The following TANC2 variants were observed in gnomAD, a reference collection of about 807,000 sequenced individuals.
TANC2 encodes protein TANC2.
TANC2 carries 26 observed loss-of-function variants against 210.5 expected under a neutral mutation model. That is an observed-to-expected ratio of 0.12 (90% confidence interval 0.09 to 0.17). The LOEUF (loss-of-function observed/expected upper bound fraction) is 0.17. Among genes scored for constraint, TANC2 ranks in the 10% least tolerant of loss-of-function variants. The pLI, the probability that TANC2 is intolerant of heterozygous loss-of-function variation, is 1.00. For missense variants in TANC2, 2,129 were observed against 2,608.9 expected, an observed-to-expected ratio of 0.82 and a Z score of 4.01; for synonymous variants, 931 against 967.1, an observed-to-expected ratio of 0.96 and a Z score of 0.69.
In TANC2 at chr17:63,227,868, T is replaced by C. The variant is rs968040865; in HGVS notation, c.770-9946T>C. On this transcript the variant is annotated intron_variant, in intron 7 of 27. Transcript: ENST00000689528. The stretch of plus-strand genomic sequence containing the variant: ...ACCATTTATTTATTTATTTTTCATT[T>C]ATTTATTTTTTTTGAGACAGAGTTT... Among the ~76,000 whole-genome samples the C allele has an allele frequency of 7.2e-5, 11 of 152,118 alleles. 1 individual carries two copies. The East Asian group carries it at 9.6e-4, about 13-fold the overall frequency.
intron 9 of TANC2, among the ~76,000 whole-genome samples, chr17:63,274,974 C>CT (rs1323496319): frequency 2.6e-5 from 4 of 151,986 alleles, no homozygotes; most frequent in Non-Finnish European, 4.4e-5. Context: ...AGTTTGCTGC[C>CT]TATTACAAGG....
chr17:63,123,523 C>T (rs1481359878), intron 4 of TANC2, among the ~76,000 whole-genome samples: 3 of 148,900 alleles, frequency 2.0e-5, no homozygotes, highest in South Asian at 2.1e-4. Flanking sequence ...TGCGCCACTG[C>T]ACTCCAGCCT....
chr17:62,996,461 A>G (rs532393620), intron 1 of TANC2, among the ~76,000 whole-genome samples: 1 of 151,252 alleles, frequency 6.6e-6, no homozygotes, highest in Admixed American at 6.6e-5. Context: ...TGTACCTCAC[A>G]GTCGATTTCT....
intron 4 of TANC2, among the ~76,000 whole-genome samples, chr17:63,134,417 CAT>C (rs1373370288): frequency 6.6e-6 from 1 of 152,026 alleles, no homozygotes; most frequent in Non-Finnish European, 1.5e-5. Context: ...AGGTGAGTGG[CAT>C]ATTATTATAA....
chr17:63,050,516 A>G (rs2035546290), intron 2 of TANC2, among the ~76,000 whole-genome samples: 1 of 152,212 alleles, frequency 6.6e-6, no homozygotes, highest in African/African-American at 2.4e-5. Context: ...CCAATGGAAT[A>G]TATATGGCAA....
At chr17:63,249,541 A>C (rs951994464) in intron 8 of TANC2, among the ~76,000 whole-genome samples, 1 of 152,198 alleles carries the variant, frequency 6.6e-6, no homozygotes, top group African/African-American at 2.4e-5. Context: ...TCAAGGAAAC[A>C]TACAAACAAC....
At chr17:63,329,233 T>A in intron 11 of TANC2, among the ~76,000 whole-genome samples, 1 of 152,066 alleles carries the variant, frequency 6.6e-6, no homozygotes, top group East Asian at 1.9e-4. Flanking sequence ...TTATAGCATA[T>A]ACTACAGATA....
intron 17 of TANC2, chr17:63,390,965 CCTGTAT>C (rs2047950892): frequency 6.6e-6 from 1 of 152,158 alleles, no homozygotes; most frequent in African/African-American, 2.4e-5. Flanking sequence ...TCTCAAGGTG[CCTGTAT>C]CTCAAAACTC....
chr17:63,106,346 C>G (rs2037822235), intron 4 of TANC2, among the ~76,000 whole-genome samples: 1 of 151,538 alleles, frequency 6.6e-6, no homozygotes, highest in African/African-American at 2.4e-5. Flanking sequence ...GGGCTCAATT[C>G]TGAATATAGT....
chr17:63,256,736 A>G (rs1047551863), intron 8 of TANC2, among the ~76,000 whole-genome samples: 1 of 152,186 alleles, frequency 6.6e-6, no homozygotes, highest in African/African-American at 2.4e-5. Context: ...CTATCTCTTT[A>G]GCTCTAATAA....
At chr17:63,106,691 C>T (rs2037836749) in intron 4 of TANC2, among the ~76,000 whole-genome samples, 1 of 151,638 alleles carries the variant, frequency 6.6e-6, no homozygotes, top group Non-Finnish European at 1.5e-5. Flanking sequence ...ACCTAAAAGG[C>T]GGCATGAATT....
At chr17:63,347,511 A>G (rs1321650724) in intron 12 of TANC2, among the ~76,000 whole-genome samples, 1 of 152,216 alleles carries the variant, frequency 6.6e-6, no homozygotes. Flanking sequence ...TTTAATATAG[A>G]ATTATTTTTT....
chr17:63,275,011 A>G (rs1371892577), intron 9 of TANC2, among the ~76,000 whole-genome samples: 1 of 152,164 alleles, frequency 6.6e-6, no homozygotes, highest in African/African-American at 2.4e-5. Flanking sequence ...ATTTTTATGG[A>G]TAAATGTAAT....
chr17:63,290,946 C>T (rs1471096661), intron 9 of TANC2, among the ~76,000 whole-genome samples: 1 of 152,046 alleles, frequency 6.6e-6, no homozygotes, highest in African/African-American at 2.4e-5. Context: ...ATTAGCAAGA[C>T]TTTAGTTACT....
intron 12 of TANC2, among the ~76,000 whole-genome samples, chr17:63,340,937 C>T (rs2046209069): frequency 6.6e-6 from 1 of 152,194 alleles, no homozygotes; most frequent in Non-Finnish European, 1.5e-5. Flanking sequence ...GCCTTTCCTC[C>T]CTTTTTCCTC....
chr17:63,347,523 A>G (rs1238684688), intron 12 of TANC2, among the ~76,000 whole-genome samples: 4 of 152,322 alleles, frequency 2.6e-5, no homozygotes, highest in African/African-American at 9.6e-5. Flanking sequence ...TTATTTTTTA[A>G]AGGTAGCTGG....
At chr17:63,033,525 G>A (rs552598570) in intron 2 of TANC2, among the ~76,000 whole-genome samples, 21 of 152,206 alleles carry the variant, frequency 1.4e-4, no homozygotes, top group East Asian at 1.9e-4. Flanking sequence ...CACTATAAGC[G>A]TTTGAGGAAA....
intron 4 of TANC2, among the ~76,000 whole-genome samples, chr17:63,113,179 G>T (rs1173387963): frequency 6.6e-6 from 1 of 152,150 alleles, no homozygotes; most frequent in Non-Finnish European, 1.5e-5. Flanking sequence ...ATAAATTATA[G>T]TATGGGATAA....
At chr17:63,113,329 T>C (rs1161174615) in intron 4 of TANC2, among the ~76,000 whole-genome samples, 1 of 152,132 alleles carries the variant, frequency 6.6e-6, no homozygotes, top group Non-Finnish European at 1.5e-5. Flanking sequence ...ACACGTGGCA[T>C]GGCAGAGTAA....
Sources: gnomAD v4.1 joint callset for allele counts (sites outside exome capture counted in the v4.1 genomes callset) on GRCh38, gnomAD v4.1.1 for gene constraint, MANE v1.5 for transcripts, NCBI Gene and HGNC (gene_info 2026-07-23, HGNC 2026-07-21) for gene names.